Variants in COPG2 observed in about 807,000 individuals in gnomAD.
COPG2 encodes the protein coat protein complex I subunit gamma 2.
A neutral mutation model predicts 46.3 loss-of-function variants in COPG2; 37 were observed. The observed-to-expected ratio is 0.80, with a 90% CI of 0.61 to 1.05. COPG2 has a LOEUF of 1.05. COPG2 is among the 50% of genes least tolerant of loss of function. COPG2 has a pLI of 0.00. For synonymous variants in COPG2, 159 were observed against 129.7 expected (o/e 1.23, Z -1.53); for missense variants, 427 against 387.8 (o/e 1.10, Z -0.85).
chr7:130,628,483 T>C (rs1294161302), intron 5 of COPG2, among the ~76,000 whole-genome samples: 2 of 152,184 alleles, frequency 1.3e-5, no homozygotes, highest in African/African-American at 4.8e-5. Context: ...TTTCCTTCTA[T>C]TCTTTGTGCA....
At chr7:130,508,533 A>G (rs781905302) in intron 21 of COPG2, 29 bp downstream of exon 21, 6 of 754,846 alleles carry the variant, frequency 7.9e-6, no homozygotes, top group Non-Finnish European at 1.2e-5. Flanking sequence ...GAAGGTGTCA[A>G]AGAAAGTCTC....
intron 20 of COPG2, among the ~76,000 whole-genome samples, chr7:130,514,681 C>T (rs1484482581): frequency 8.5e-5 from 13 of 152,160 alleles, no homozygotes; most frequent in African/African-American, 3.1e-4. Context: ...TTAAAGTTGA[C>T]TCCAGATGAA....
intron 5 of COPG2, among the ~76,000 whole-genome samples, chr7:130,619,706 C>T (rs1024069693): frequency 1.3e-5 from 2 of 152,140 alleles, no homozygotes; most frequent in East Asian, 3.8e-4. Flanking sequence ...AACTTCAATG[C>T]TTAATTTTAT....
At chr7:130,532,385 A>T (rs1239663373) in intron 20 of COPG2, among the ~76,000 whole-genome samples, 1 of 151,948 alleles carries the variant, frequency 6.6e-6, no homozygotes, top group East Asian at 1.9e-4. Context: ...ATGGGGAGGG[A>T]AGGCGCAAAG....
intron 20 of COPG2, among the ~76,000 whole-genome samples, chr7:130,525,404 T>C (rs1243050155): frequency 6.6e-6 from 1 of 152,076 alleles, no homozygotes; most frequent in Non-Finnish European, 1.5e-5. Context: ...ATGTGGGGGA[T>C]GGGGACAAAT....
At chr7:130,540,010 G>A (rs1406123056) in intron 20 of COPG2, among the ~76,000 whole-genome samples, 1 of 151,146 alleles carries the variant, frequency 6.6e-6, no homozygotes, top group African/African-American at 2.4e-5. Flanking sequence ...CAGGGTCTTT[G>A]CTATGGATGC....
chr7:130,659,866 C>T (rs995511391), intron 4 of COPG2, among the ~76,000 whole-genome samples: 1 of 152,100 alleles, frequency 6.6e-6, no homozygotes, highest in Admixed American at 6.6e-5. Context: ...GAGCCAAGAT[C>T]GCGCCACTGC....
chr7:130,508,348 A>G (rs1040809063), intron 21 of COPG2: 2 of 435,610 alleles, frequency 4.6e-6, no homozygotes, highest in African/African-American at 4.0e-5. Context: ...AGTTTGTTTT[A>G]ATGATGAAGT....
chr7:130,636,538 G>GTTTTTTTTTTTTT (rs59688621), intron 5 of COPG2, among the ~76,000 whole-genome samples: 3 of 94,112 alleles, frequency 3.2e-5, no homozygotes, highest in Admixed American at 1.2e-4. Flanking sequence ...ATTGCAACCG[G>GTTTTTTTTTTTTT]TTTTTTTTTT....
intron 9 of COPG2, chr7:130,607,531 T>C (rs1488472444): frequency 7.0e-6 from 3 of 427,232 alleles, no homozygotes; most frequent in South Asian, 1.7e-5. Flanking sequence ...CCAAACTTTA[T>C]TTCCTCCATA....
intron 9 of COPG2, among the ~76,000 whole-genome samples, chr7:130,601,615 T>G (rs139229945): frequency 1.8e-3 from 272 of 151,870 alleles, no homozygotes; most frequent in African/African-American, 6.2e-3. Context: ...AGTTGAACAA[T>G]GAGAACCCAT....
intron 9 of COPG2, among the ~76,000 whole-genome samples, chr7:130,578,984 G>A (rs1794074882): frequency 7.0e-6 from 1 of 142,794 alleles, no homozygotes; most frequent in Admixed American, 7.1e-5. Flanking sequence ...TTCAGATTCA[G>A]GAAATACAGA....
chr7:130,613,551 G>A lies in COPG2; in HGVS notation c.485C>T (p.Ser162Phe), dbSNP rs1380092713. 2 of 1,584,778 alleles carry A rather than the reference G, an allele frequency of 1.3e-6. No individual in the cohort carries two copies. Among genetic ancestry groups the A allele is most frequent in the Non-Finnish European group, 1.7e-6 (2 of 1,160,054 alleles). The change falls in exon 7 of 24, where the codon TCT becomes TTT. Residue 162 changes from serine (S) to phenylalanine (F), a missense_variant. Ser to Phe is a radical substitution (Grantham distance 155). Transcript: ENST00000425248. ...VSSVSSSALVSSLHMMKISYD... is the reference protein window; with the variant it reads ...VSSVSSSALVFSLHMMKISYD... Reference sequence around the variant, plus strand: ...AGCTGCTTGTTCACTTACCAGGGAAGATACCAGTGCTGAACTGGATACACT... The same window carrying A: ...AGCTGCTTGTTCACTTACCAGGGAAAATACCAGTGCTGAACTGGATACACT...
rs1563034234 is a variant in COPG2, at chr7:130,513,383, GTGTGTGTA to G, written c.2150-4732_2150-4725del. On this transcript the variant is annotated intron_variant, in intron 20 of 23. Transcript: ENST00000425248. ...TGTATATATATATATATATGTGTGT[GTGTGTGTA>G]TATATATATATACACATATACATAT... 2.2e-3 allele frequency among the ~76,000 whole-genome samples: 223 copies of G among 99,266 alleles called. 4 individuals carry two copies. Among genetic ancestry groups the G allele is most frequent in the South Asian group, 0.011 (32 of 2,968 alleles). The allele number at this position is 99,266 out of a possible 152,430, so 65.1% of individuals were successfully genotyped here.
chr7:130,526,656 A>G (rs943870365), intron 20 of COPG2, among the ~76,000 whole-genome samples: 1 of 151,776 alleles, frequency 6.6e-6, no homozygotes, highest in South Asian at 2.1e-4. Context: ...GAACAAAGGA[A>G]TTTGGAGTGC....
chr7:130,528,014 C>G (rs1799789911), intron 20 of COPG2, among the ~76,000 whole-genome samples: 1 of 151,938 alleles, frequency 6.6e-6, no homozygotes, highest in Non-Finnish European at 1.5e-5. Flanking sequence ...AGGAAAGGCG[C>G]AAAGGGGAAT....
At chr7:130,605,648 C>A (rs919822695) in intron 9 of COPG2, 12 of 483,934 alleles carry the variant, frequency 2.5e-5, no homozygotes, top group African/African-American at 2.3e-4. Context: ...TAACCTCCAG[C>A]TGAAAGCCAG....
chr7:130,577,897 G>C (rs1794041492), intron 9 of COPG2, among the ~76,000 whole-genome samples: 2 of 151,908 alleles, frequency 1.3e-5, no homozygotes, highest in African/African-American at 2.4e-5. Context: ...AGATCAAACT[G>C]CAAGGCGGCA....
At position 130,617,014 on chromosome 7, in the gene COPG2, G is replaced by C; in HGVS notation, c.375C>G (p.Ile125Met). 6.2e-7 allele frequency: 1 copy of C among 1,611,792 alleles called. No homozygotes were observed. The highest frequency in any genetic ancestry group is 8.5e-7 in the Non-Finnish European group (1 of 1,178,416). The change falls in exon 6 of 24, where the codon ATC becomes ATG. Residue 125 changes from isoleucine (I) to methionine (M), a missense_variant. Transcript: ENST00000425248. ...GKEDVYRGPA[I>M]RALCRITDGT... ...CATCGGTGATCCTGCAGAGAGCTCT[G>C]ATGGCCGGGCCTCGGTATACATCTT...
Sources: gnomAD v4.1 joint callset for allele counts (sites outside exome capture counted in the v4.1 genomes callset) on GRCh38, gnomAD v4.1.1 for gene constraint, MANE v1.5 for transcripts, NCBI Gene and HGNC (gene_info 2026-07-23, HGNC 2026-07-21) for gene names.